MYO16: variants seen among roughly 807,000 people sequenced by gnomAD.
The protein encoded by MYO16 is myosin XVI.
Under a neutral mutation model 205.3 loss-of-function variants are expected in MYO16, and 94 were observed. The ratio of observed to expected loss-of-function variants is 0.46; its 90% CI spans 0.39 to 0.54. MYO16 has a LOEUF of 0.54. MYO16 is among the 20% of genes least tolerant of loss of function. MYO16 has a pLI of 0.00. For missense variants in MYO16, 2,315 were observed against 2,387.5 expected (o/e 0.97, Z 0.63); for synonymous variants, 988 against 954.0 (o/e 1.04, Z -0.66).
At chr13:108,525,808 G>C in the MYO16 span, among the ~76,000 whole-genome samples, 4 of 152,158 alleles carry the variant, frequency 2.6e-5, no homozygotes, top group Non-Finnish European at 5.9e-5. Context: ...TGAATGTATT[G>C]CACTTAACTC....
intron 23 of MYO16, among the ~76,000 whole-genome samples, chr13:109,031,874 G>A (rs1886556515): frequency 6.6e-6 from 1 of 152,128 alleles, no homozygotes; most frequent in Non-Finnish European, 1.5e-5. Context: ...ACTAAGAACT[G>A]TAATCGTCAA....
chr13:108,732,688 G>A (rs924341140), intron 4 of MYO16, among the ~76,000 whole-genome samples: 1 of 152,178 alleles, frequency 6.6e-6, no homozygotes, highest in African/African-American at 2.4e-5. Flanking sequence ...GAAGAAGGAG[G>A]TATGGAAAGA....
chr13:108,578,048 T>C, the MYO16 span, among the ~76,000 whole-genome samples: 2 of 152,224 alleles, frequency 1.3e-5, no homozygotes, highest in African/African-American at 2.4e-5. Context: ...TAAGAAGATC[T>C]GGAAAATGAA....
chr13:109,007,944 A>T (rs1004002671), intron 21 of MYO16, among the ~76,000 whole-genome samples: 1 of 152,196 alleles, frequency 6.6e-6, no homozygotes, highest in African/African-American at 2.4e-5. Context: ...CTGGGATCTC[A>T]TGGTAAACCC....
intron 12 of MYO16, 34 bp downstream of exon 12, chr13:108,866,276 G>C (rs1292834202): frequency 7.2e-7 from 1 of 1,387,900 alleles, no homozygotes; most frequent in Non-Finnish European, 1.0e-6. Context: ...ATTGAATAAT[G>C]TAGAGTAATA....
intron 27 of MYO16, among the ~76,000 whole-genome samples, chr13:109,095,091 A>T (rs1453980334): frequency 6.6e-6 from 1 of 152,206 alleles, no homozygotes; most frequent in East Asian, 1.9e-4. Context: ...CTGATTCTAG[A>T]TATGAAAGTA....
At chr13:108,618,860 A>T (rs1248045895) in intron 1 of MYO16, among the ~76,000 whole-genome samples, 1 of 152,224 alleles carries the variant, frequency 6.6e-6, no homozygotes, top group Non-Finnish European at 1.5e-5. Context: ...GCAGTAAAAC[A>T]CATATATACT....
At chr13:109,124,099 T>C (rs1876124279) in intron 29 of MYO16, among the ~76,000 whole-genome samples, 1 of 152,172 alleles carries the variant, frequency 6.6e-6, no homozygotes, top group African/African-American at 2.4e-5. Flanking sequence ...GTGCTGGCCT[T>C]GTACACACTC....
chr13:109,147,305 C>A (rs545090782), intron 32 of MYO16, among the ~76,000 whole-genome samples: 1 of 152,232 alleles, frequency 6.6e-6, no homozygotes, highest in South Asian at 2.1e-4. Context: ...AAATCAAGTG[C>A]AGTTACCCAT....
chr13:109,028,408 G>C (rs761003938), intron 23 of MYO16: 1 of 324,472 alleles, frequency 3.1e-6, no homozygotes, highest in Non-Finnish European at 6.1e-6. Flanking sequence ...GTTTTTCACA[G>C]AATATTTGGG....
chr13:108,937,479 T>C (rs1025364386), intron 16 of MYO16, among the ~76,000 whole-genome samples: 18 of 152,238 alleles, frequency 1.2e-4, no homozygotes, highest in African/African-American at 4.1e-4. Flanking sequence ...GTTTACTTTA[T>C]ATTCTTTTCT....
At chr13:108,883,838 T>A (rs1463808057) in intron 13 of MYO16, among the ~76,000 whole-genome samples, 1 of 152,148 alleles carries the variant, frequency 6.6e-6, no homozygotes, top group East Asian at 1.9e-4. Context: ...TTGCCCAGGC[T>A]GGTCTCAAAC....
chr13:108,763,414 G>T (rs1885673938), intron 4 of MYO16, among the ~76,000 whole-genome samples: 1 of 152,200 alleles, frequency 6.6e-6, no homozygotes, highest in Non-Finnish European at 1.5e-5. Context: ...GAGTAAGATT[G>T]CAGGGGAAAT....
chr13:108,707,796 C>T lies in MYO16; in HGVS notation c.293-4865C>T, dbSNP rs116545302. Among the ~76,000 whole-genome samples the T allele has an allele frequency of 1.9e-3, 287 of 152,304 alleles. 1 individual carries two copies. Among genetic ancestry groups the T allele is most frequent in the African/African-American group, 6.7e-3 (279 of 41,566 alleles). On this transcript the variant is annotated intron_variant, in intron 2 of 34. Coordinates refer to ENST00000457511, the MANE Select transcript of MYO16 (RefSeq NM_001198950.3). The stretch of plus-strand genomic sequence containing the variant: ...CAGAATGTCTTAAAGGGACCATCTG[C>T]ACCAGAATCTCCTGCAGTGTGTGTG...
At chr13:109,088,347 T>C (rs1888506515) in intron 27 of MYO16, among the ~76,000 whole-genome samples, 1 of 152,206 alleles carries the variant, frequency 6.6e-6, no homozygotes. Context: ...GAGACACTTC[T>C]AATTTAGTGT....
chr13:109,012,951 G>GT lies in MYO16; in HGVS notation c.2595+3912dup, dbSNP rs113571321. Among the ~76,000 whole-genome samples, 77 of 145,648 alleles carry GT rather than the reference G, an allele frequency of 5.3e-4. No individual in the cohort carries two copies. The South Asian group carries it at 6.2e-3, about 12-fold the overall frequency. On this transcript the variant is annotated intron_variant, in intron 22 of 34. Transcript: ENST00000457511. ...CTGTTGAGTAGGATTTTGCCACCTTGTTTTTTTTTTGTTTTTGTTTTTGCT... is the reference window on the plus strand; with the variant it reads ...CTGTTGAGTAGGATTTTGCCACCTTGTTTTTTTTTTTGTTTTTGTTTTTGCT...
chr13:108,809,815 G>A (rs1455808794), intron 7 of MYO16, among the ~76,000 whole-genome samples: 1 of 152,172 alleles, frequency 6.6e-6, no homozygotes, highest in Non-Finnish European at 1.5e-5. Flanking sequence ...AATAGAAAGG[G>A]CCAGCGCTGG....
At chr13:108,869,543 T>C (rs1230654920) in intron 12 of MYO16, among the ~76,000 whole-genome samples, 2 of 144,578 alleles carry the variant, frequency 1.4e-5, no homozygotes, top group Non-Finnish European at 3.0e-5. Context: ...GCTAACACGA[T>C]GAAACCCCGT....
rs1876330928 is a variant in MYO16 at position 109,127,641 on chromosome 13, A to G, written c.4051+91A>G. The G allele has an allele frequency of 7.7e-7, 1 of 1,303,956 alleles. No individual in the cohort carries two copies. The highest frequency in any genetic ancestry group is 1.3e-5 in the South Asian group (1 of 76,900). The allele number at this position is 1,303,956 out of a possible 1,614,324, so 80.8% of individuals were successfully genotyped here. On this transcript the variant is annotated intron_variant, in intron 31 of 34. Transcript: ENST00000457511. The surrounding 1 kb of genome is among the most constrained non-coding windows in gnomAD (Gnocchi z 4.2). ...GCGCCCATGGCAGTACTGTCGCCCT[A>G]ATGTATTCTTAATAGAAATAAATCC...
Sources: allele counts gnomAD v4.1 joint callset (sites outside exome capture counted in the v4.1 genomes callset), GRCh38; gene constraint gnomAD v4.1.1; non-coding constraint Gnocchi (gnomAD v3.1); transcripts MANE v1.5; gene names NCBI Gene and HGNC (gene_info 2026-07-23, HGNC 2026-07-21).